SEC14L3: variants seen among roughly 807,000 people sequenced by gnomAD.
The protein encoded by SEC14L3 is SEC14-like protein 3.
SEC14L3 carries 56 observed loss-of-function variants against 57.4 expected under a neutral mutation model. That is an observed-to-expected ratio of 0.97 (90% CI 0.79 to 1.22). The LOEUF is 1.22. Ranked by LOEUF, SEC14L3 falls within the 50% of genes most tolerant of loss-of-function variation. The pLI, the probability that SEC14L3 is intolerant of heterozygous loss-of-function variation, is 0.00. For missense variants in SEC14L3, 485 were observed against 511.7 expected, an observed-to-expected ratio of 0.95 and a Z score of 0.50; for synonymous variants, 173 against 194.4, an observed-to-expected ratio of 0.89 and a Z score of 0.92.
chr22:30,458,139 G>A (rs1327512381), downstream of SEC14L3, among the ~76,000 whole-genome samples: 5 of 152,276 alleles, frequency 3.3e-5, no homozygotes, highest in Admixed American at 1.3e-4. Flanking sequence ...CCCCATTCCC[G>A]GGTGTGATCC....
At chr22:30,467,244 TC>T in intron 5 of SEC14L3, 167 bp from the exon 6 acceptor site, 1 of 428,268 alleles carries the variant, frequency 2.3e-6, no homozygotes, top group Non-Finnish European at 3.0e-6. Flanking sequence ...CATCCATCCA[TC>T]CACATCCATC....
intron 12 of SEC14L3, among the ~76,000 whole-genome samples, chr22:30,450,731 C>A (rs1383053725): frequency 6.6e-6 from 1 of 152,190 alleles, no homozygotes; most frequent in Non-Finnish European, 1.5e-5. Context: ...GTGAGCCCTG[C>A]TGGCTCAAGG....
At chr22:30,453,763 C>T (rs775676060) in intron 12 of SEC14L3, among the ~76,000 whole-genome samples, 3 of 152,112 alleles carry the variant, frequency 2.0e-5, no homozygotes, top group Non-Finnish European at 2.9e-5. Flanking sequence ...AGTTAATGGC[C>T]GTGGAAGAAT....
chr22:30,454,475 A>G (rs13054370), downstream of SEC14L3, among the ~76,000 whole-genome samples: 828 of 144,160 alleles, frequency 5.7e-3, 1 homozygote, highest in Non-Finnish European at 9.1e-3. Context: ...TTCTCTCTCT[A>G]TATAATCTAT....
At chr22:30,470,719 TGAATA>T in intron 1 of SEC14L3, 137 bp from the exon 2 acceptor site, 1 of 1,496,854 alleles carries the variant, frequency 6.7e-7, no homozygotes, top group Non-Finnish European at 8.9e-7. Context: ...GGTTAATGGT[TGAATA>T]GAAGGGCAGA....
In SEC14L3 at chr22:30,453,709, A is replaced by G. The variant is rs545727544; in HGVS notation, c.905-4465T>C. Reference sequence around the variant, plus strand: ...ATTACAGGCGTGAGCCGCCGTGCCCAGCCCAGCCTGCTTTTAGCAGCTGAA... The same window carrying G: ...ATTACAGGCGTGAGCCGCCGTGCCCGGCCCAGCCTGCTTTTAGCAGCTGAA... On this transcript the variant is annotated intron_variant, in intron 12 of 12. Transcript: ENST00000403066. Among the ~76,000 whole-genome samples the G allele has an allele frequency of 1.6e-3, 248 of 152,282 alleles. 2 individuals carry two copies. The highest frequency in any genetic ancestry group is 5.7e-3 in the African/African-American group (236 of 41,554).
chr22:30,459,896 C>G lies in SEC14L3; in HGVS notation c.*125G>C. 7 of 1,459,140 alleles carry G rather than the reference C, an allele frequency of 4.8e-6. No individual in the cohort carries two copies. The highest frequency in any genetic ancestry group is 6.4e-6 in the Non-Finnish European group (7 of 1,101,550). 90.4% of individuals were successfully genotyped at this position (1,459,140 alleles called of 1,614,324 possible). A position where few individuals can be genotyped will look rare whatever the true frequency, so the allele number is the denominator to read the frequency against. ...TAGATGAGTTTTCCCCAGGGCATCT[C>G]TTTCTGTACTCACTAACGTCACAGA... On this transcript the variant is annotated 3_prime_UTR_variant, in exon 12 of 12. Coordinates refer to ENST00000215812, the MANE Select transcript of SEC14L3 (RefSeq NM_174975.5).
chr22:30,449,095 T>C, exon 13 of SEC14L3: 1 of 1,550,582 alleles, frequency 6.4e-7, no homozygotes, highest in Non-Finnish European at 8.7e-7. Flanking sequence ...AATTAGTTAC[T>C]GGCAGGGAGG....
rs1048636624 is a variant in SEC14L3, at chr22:30,468,568, G to A, written c.363C>T (p.Leu121=). 1 of 1,613,866 alleles carries A rather than the reference G, an allele frequency of 6.2e-7. No individual in the cohort carries two copies. Among genetic ancestry groups the A allele is most frequent in the Non-Finnish European group, 8.5e-7 (1 of 1,180,002 alleles). The change falls in exon 5 of 12, where the codon CTC becomes CTT. Residue 121 remains leucine (L), a synonymous_variant. Transcript: ENST00000215812. Reference sequence around the variant, plus strand: ...GCTCACAGTCCCTCATCTTGGTCTTGAGCAGGTCCTGCTTGGTGACTGAGA... The same window carrying A: ...GCTCACAGTCCCTCATCTTGGTCTTAAGCAGGTCCTGCTTGGTGACTGAGA... ...LLFSVTKQDL[L]KTKMRDCERI... is the part of the protein sequence containing the mutation.
At chr22:30,469,983 C>A (rs377399649) in intron 4 of SEC14L3, 36 bp downstream of exon 4, 104 of 1,471,778 alleles carry the variant, frequency 7.1e-5, no homozygotes, top group Non-Finnish European at 1.9e-5. Context: ...GTGGTACGTC[C>A]GTGAAAGACT....
At position 30,461,578 on chromosome 22, in the gene SEC14L3, G is replaced by A. The variant is rs763663345; in HGVS notation, c.888C>T (p.Ile296=). 1.2e-6 allele frequency: 2 copies of A among 1,614,080 alleles called. No homozygotes were observed. Among genetic ancestry groups the A allele is most frequent in the Non-Finnish European group, 1.7e-6 (2 of 1,180,034 alleles). Residue 296 remains isoleucine, a synonymous_variant, in exon 10 of 12, where the codon ATC becomes ATT. Coordinates refer to ENST00000215812, the MANE Select transcript of SEC14L3 (RefSeq NM_174975.5). ...RGSSHQVEYE[I]LFPGCVLRWQ... ...ACCTGAGAACGCAGCCTGGAAATAG[G>A]ATCTCGTATTCCACTTGGTGTGATG...
chr22:30,461,975 C>T (rs1569228606), intron 9 of SEC14L3, 111 bp downstream of exon 9: 4 of 1,203,396 alleles, frequency 3.3e-6, no homozygotes, highest in Middle Eastern at 1.9e-4. Context: ...ACTAGCTTAA[C>T]ACCCAGTTCT....
At position 30,468,507 on chromosome 22, in the gene SEC14L3, C is replaced by A. The variant is rs200890756; in HGVS notation, c.423+1G>T. ...TCCACCCCACCTGGCCTGGACCTCA[C>A]CCTCTCTGTCTGCAGGTCACACTCA... On this transcript the variant is annotated splice_donor_variant, in intron 5 of 11. Coordinates refer to ENST00000215812, the MANE Select transcript of SEC14L3 (RefSeq NM_174975.5). LOFTEE classifies it high-confidence loss of function. 67 of 1,608,972 alleles carry A rather than the reference C, an allele frequency of 4.2e-5. No homozygotes were observed. In the East Asian group the frequency reaches 1.2e-3, roughly 29 times the overall value.
At chr22:30,451,725 C>A (rs367864259) in intron 12 of SEC14L3, among the ~76,000 whole-genome samples, 2,388 of 152,070 alleles carry the variant, frequency 0.016, 43 homozygotes, top group Middle Eastern at 0.041. Flanking sequence ...CCCGGTGCCT[C>A]AAGCCTGTAA....
chr22:30,461,521 G>A lies in SEC14L3; in HGVS notation c.911+34C>T. 2 of 1,613,928 alleles carry A rather than the reference G, an allele frequency of 1.2e-6. 1 individual carries two copies. On this transcript the variant is annotated intron_variant, in intron 10 of 11. Transcript: ENST00000215812. ...GAGGAGACAGGTTGCTGCTCAGCCT[G>A]ATGGGTCTCTGAGGGGTTAGGGCCT...
downstream of SEC14L3, among the ~76,000 whole-genome samples, chr22:30,459,011 AAAACAAAC>A (rs993777245): frequency 6.6e-6 from 1 of 152,168 alleles, no homozygotes; most frequent in South Asian, 2.1e-4. Context: ...CCTGTCTCAA[AAAACAAAC>A]AAACAAACAA....
rs1433127622 is a variant in SEC14L3 at position 30,468,749 on chromosome 22, C to T, written c.235-53G>A. ...GGCATTACACACCTCCCTTGAGACC[C>T]CAGACCAGGCTGACCTGGGTGGCCC... On this transcript the variant is annotated intron_variant, in intron 4 of 11. Coordinates refer to ENST00000215812, the MANE Select transcript of SEC14L3 (RefSeq NM_174975.5). 3 of 1,613,920 alleles carry T rather than the reference C, an allele frequency of 1.9e-6. No homozygotes were observed. The Admixed American group carries it at 5.0e-5, about 27-fold the overall frequency.
chr22:30,454,276 C>T (rs908542446), downstream of SEC14L3, among the ~76,000 whole-genome samples: 3 of 151,950 alleles, frequency 2.0e-5, no homozygotes, highest in African/African-American at 7.3e-5. Context: ...GCCATCCTGC[C>T]CTCTCTGCAG....
At chr22:30,471,268 G>C (rs1935602224) in intron 1 of SEC14L3, 1 of 455,250 alleles carries the variant, frequency 2.2e-6, no homozygotes, top group Admixed American at 2.4e-5. Context: ...CTGGATGACA[G>C]AGACTCCATC....
Sources: gnomAD v4.1 joint callset for allele counts (sites outside exome capture counted in the v4.1 genomes callset) on GRCh38, gnomAD v4.1.1 for gene constraint, MANE v1.5 for transcripts, NCBI Gene and HGNC (gene_info 2026-07-23, HGNC 2026-07-21) for gene names.